PHF19: variants seen among roughly 807,000 people sequenced by gnomAD.
PHF19 encodes PHD finger protein 19, also known as polycomb like 3.
Under a neutral mutation model 79.8 loss-of-function variants are expected in PHF19, and 21 were observed. That is an observed-to-expected ratio of 0.26 (90% CI 0.19 to 0.38). The LOEUF (loss-of-function observed/expected upper bound fraction) is 0.38. Ranked by LOEUF, PHF19 falls within the 10% of genes least tolerant of loss-of-function variation. PHF19 has a pLI of 1.00. For missense variants in PHF19, 445 were observed against 744.2 expected (o/e 0.60, Z 4.68); for synonymous variants, 273 against 296.3 (o/e 0.92, Z 0.81).
intron 1 of PHF19, chr9:120,876,490 C>G (rs1281395258): frequency 6.6e-6 from 1 of 152,130 alleles, no homozygotes; most frequent in Non-Finnish European, 1.5e-5. Context: ...GAGCGGGCCC[C>G]CGCGGGCTGT....
intron 3 of PHF19, among the ~76,000 whole-genome samples, chr9:120,872,037 C>CAAAAAAAAAGAAAAAAAAA (rs2045912428): frequency 0.012 from 360 of 30,328 alleles, 21 homozygotes; most frequent in Middle Eastern, 0.091. Context: ...GACTCTGTCT[C>CAAAAAAAAAGAAAAAAAAA]AAAAAAAAAA....
chr9:120,862,592 G>A lies in PHF19; in HGVS notation c.1126C>T (p.Pro376Ser). Residue 376 changes from proline to serine, a missense_variant, in exon 11 of 15, where the codon CCT (proline) becomes TCT (serine). By Grantham distance (74) the Pro-to-Ser change is moderately conservative. This residue lies in a region of PHF19 where 83 missense variants were observed against 85.5 expected (regional missense o/e 0.97). Coordinates refer to ENST00000373896, the MANE Select transcript of PHF19 (RefSeq NM_015651.3). The surrounding 1 kb of genome is among the most constrained non-coding windows in gnomAD (Gnocchi z 4.6). ...CCTGGGTCCCCGAGCACTGACCCAG[G>A]CTTGCTCTTTCCTCTCTTACGCAGC... ...SELRKRGKSK[P>S]GLLPHEFQQQ... 1.2e-6 allele frequency: 2 copies of A among 1,613,214 alleles called. No homozygotes were observed. Among genetic ancestry groups the A allele is most frequent in the Non-Finnish European group, 1.7e-6 (2 of 1,179,814 alleles).
In PHF19 at chr9:120,856,990, T is replaced by C. The variant is rs1232388027; in HGVS notation, c.*954A>G. ...GTGTGGCCGTGTGGGGTTGTCTGCA[T>C]GCCTAGAGCTGAAAGTACAACACAT... On this transcript the variant is annotated 3_prime_UTR_variant, in exon 15 of 15. Coordinates refer to ENST00000373896, the MANE Select transcript of PHF19 (RefSeq NM_015651.3). 6.5e-6 allele frequency: 1 copy of C among 152,862 alleles called. No individual in the cohort carries two copies. Among genetic ancestry groups the C allele is most frequent in the East Asian group, 1.9e-4 (1 of 5,198 alleles). 9.5% of individuals were successfully genotyped at this position (152,862 alleles called of 1,614,324 possible).
intron 1 of PHF19, among the ~76,000 whole-genome samples, chr9:120,893,786 G>A (rs577270369): frequency 6.6e-6 from 1 of 152,328 alleles, no homozygotes; most frequent in South Asian, 2.1e-4. Context: ...TTACGAGGGA[G>A]AAAATACATC....
At chr9:120,893,643 A>G (rs554817847) in intron 1 of PHF19, among the ~76,000 whole-genome samples, 5 of 152,334 alleles carry the variant, frequency 3.3e-5, no homozygotes, top group Admixed American at 3.3e-4. Flanking sequence ...AGATGCACGC[A>G]TGCTTTAGAA....
At chr9:120,902,958 C>T in the PHF19 span, 1 of 152,180 alleles carries the variant, frequency 6.6e-6, no homozygotes, top group African/African-American at 2.4e-5. Context: ...TATCTCTTGC[C>T]ATCAGAAATA....
Position 120,862,219 on chromosome 9 carries a change from GAAA to G in PHF19, c.1131-217_1131-215del, listed in dbSNP as rs2045552646. Reference sequence around the variant, plus strand: ...GGAGAAGGTATAGTGGGCAGAAAAAGAAAAGGTGCCTCCCCAGGCACATGCATC... The same window carrying G: ...GGAGAAGGTATAGTGGGCAGAAAAAGAGGTGCCTCCCCAGGCACATGCATC... On this transcript the variant is annotated intron_variant, in intron 11 of 14. Coordinates refer to ENST00000373896, the MANE Select transcript of PHF19 (RefSeq NM_015651.3). The surrounding 1 kb of genome is among the most constrained non-coding windows in gnomAD (Gnocchi z 4.6). Among the ~76,000 whole-genome samples, 1 of 152,194 alleles carries G rather than the reference GAAA, an allele frequency of 6.6e-6. No homozygotes were observed. Among genetic ancestry groups the G allele is most frequent in the Non-Finnish European group, 1.5e-5 (1 of 68,022 alleles).
At chr9:120,890,146 G>C (rs942000384) in intron 1 of PHF19, among the ~76,000 whole-genome samples, 1 of 152,196 alleles carries the variant, frequency 6.6e-6, no homozygotes, top group African/African-American at 2.4e-5. Flanking sequence ...TGTTTGCTGA[G>C]TGAATAGATA....
Position 120,874,686 on chromosome 9 carries a change from T to G in PHF19, c.56A>C (p.His19Pro). 6.2e-7 allele frequency: 1 copy of G among 1,613,692 alleles called. No individual in the cohort carries two copies. The highest frequency in any genetic ancestry group is 8.5e-7 in the Non-Finnish European group (1 of 1,179,694). The change falls in exon 2 of 15, where the codon CAC (histidine) becomes CCC (proline). Residue 19 changes from histidine to proline, a missense_variant. His to Pro is a moderately conservative substitution (Grantham distance 77). This residue lies in a region of PHF19 where 50 missense variants were observed against 54.8 expected (regional missense o/e 0.91). Coordinates refer to ENST00000373896, the MANE Select transcript of PHF19 (RefSeq NM_015651.3). This position sits in a 1 kb window ranked among gnomAD's most constrained non-coding sequence, Gnocchi z 4.5. ...GTRDSYGATSHLPNKGALAKV... is the reference protein window; with the variant it reads ...GTRDSYGATSPLPNKGALAKV... The stretch of plus-strand genomic sequence containing the variant: ...CGCCAGGGCCCCCTTGTTGGGGAGG[T>G]GGCTGGTGGCACCATAGGAGTCCCG...
chr9:120,858,430 C>G (rs2045410021), intron 14 of PHF19, 144 bp from the exon 15 acceptor site: 1 of 587,996 alleles, frequency 1.7e-6, no homozygotes, highest in African/African-American at 1.9e-5. Context: ...TTCTCCCATG[C>G]TCTCTCAAAG....
chr9:120,865,863 G>A, intron 8 of PHF19, 33 bp from the exon 9 acceptor site: 1 of 1,613,886 alleles, frequency 6.2e-7, no homozygotes, highest in Non-Finnish European at 8.5e-7. Context: ...GGGACCAGGT[G>A]AGGTGGCAGC....
intron 12 of PHF19, among the ~76,000 whole-genome samples, chr9:120,861,383 C>T (rs181731693): frequency 1.8e-4 from 27 of 152,358 alleles, no homozygotes; most frequent in Non-Finnish European, 3.2e-4. Context: ...ACGACCTTCA[C>T]GTCTCTGGAC....
intron 14 of PHF19, among the ~76,000 whole-genome samples, chr9:120,858,610 G>C (rs547074636): frequency 6.6e-6 from 1 of 152,252 alleles, no homozygotes; most frequent in East Asian, 1.9e-4. Flanking sequence ...CAAAGCATAT[G>C]CTCTTAGAGC....
chr9:120,883,397 G>A (rs2046216233), intron 1 of PHF19, among the ~76,000 whole-genome samples: 2 of 152,212 alleles, frequency 1.3e-5, no homozygotes, highest in South Asian at 4.1e-4. Flanking sequence ...CATGCTGTAG[G>A]CAGGCACCAT....
the PHF19 span, among the ~76,000 whole-genome samples, chr9:120,901,254 G>T: frequency 2.6e-4 from 40 of 152,088 alleles, no homozygotes; most frequent in African/African-American, 9.2e-4. Context: ...GTGCAGTGGT[G>T]CGACCTCAGC....
chr9:120,857,611 C>T lies in PHF19; in HGVS notation c.*333G>A. On this transcript the variant is annotated 3_prime_UTR_variant, in exon 15 of 15. Transcript: ENST00000373896. Reference sequence around the variant, plus strand: ...GAAAGGGGCGAGAGAGGTCAAGGCACACAACTGGGGACAAAGACCTGGGCC... The same window carrying T: ...GAAAGGGGCGAGAGAGGTCAAGGCATACAACTGGGGACAAAGACCTGGGCC... 3.9e-6 allele frequency: 1 copy of T among 257,076 alleles called. No individual in the cohort carries two copies. The highest frequency in any genetic ancestry group is 7.4e-6 in the Non-Finnish European group (1 of 136,014). The allele number at this position is 257,076 out of a possible 1,614,324, so 15.9% of individuals were successfully genotyped here.
At chr9:120,887,647 C>G (rs1417183400) in intron 1 of PHF19, among the ~76,000 whole-genome samples, 5 of 44,920 alleles carry the variant, frequency 1.1e-4, no homozygotes, top group East Asian at 7.0e-4. Context: ...CACACACACA[C>G]ACACAGACAC....
chr9:120,867,170 C>T (rs375368927), intron 6 of PHF19, among the ~76,000 whole-genome samples: 2 of 152,340 alleles, frequency 1.3e-5, no homozygotes, highest in South Asian at 4.1e-4. Context: ...AAAGATGGGA[C>T]ACTGTCCCCA....
chr9:120,868,187 T>G (rs2045762226), intron 6 of PHF19: 1 of 152,390 alleles, frequency 6.6e-6, no homozygotes, highest in Non-Finnish European at 1.5e-5. Context: ...TCCTCCCACC[T>G]CAGCCTCCTA....
Sources: gnomAD v4.1 joint callset for allele counts (sites outside exome capture counted in the v4.1 genomes callset) on GRCh38, gnomAD v4.1.1 for gene constraint, gnomAD v4.1.1 regional missense constraint, Gnocchi (gnomAD v3.1) non-coding constraint, MANE v1.5 for transcripts, NCBI Gene and HGNC (gene_info 2026-07-23, HGNC 2026-07-21) for gene names.